Variants in MARCHF1 observed in about 807,000 individuals in gnomAD.
The protein encoded by MARCHF1 is E3 ubiquitin-protein ligase MARCHF1.
MARCHF1 carries 40 observed loss-of-function variants against 54.2 expected under a neutral mutation model. The ratio of observed to expected loss-of-function variants is 0.74; its 90% CI spans 0.57 to 0.96. The LOEUF (loss-of-function observed/expected upper bound fraction) is 0.96. Ranked by LOEUF, MARCHF1 falls within the 40% of genes least tolerant of loss-of-function variation. The pLI is 0.00. For missense variants in MARCHF1, 586 were observed against 656.5 expected, an observed-to-expected ratio of 0.89 and a Z score of 1.17; for synonymous variants, 236 against 236.3, an observed-to-expected ratio of 1.00 and a Z score of 0.01.
chr4:163,877,108 T>C (rs1462035067), intron 3 of MARCHF1, among the ~76,000 whole-genome samples: 3 of 152,138 alleles, frequency 2.0e-5, no homozygotes, highest in African/African-American at 4.8e-5. Flanking sequence ...CACTTAAGTA[T>C]ATGGAAACCG....
chr4:164,187,837 T>C (rs1731012647), intron 1 of MARCHF1, among the ~76,000 whole-genome samples: 1 of 152,236 alleles, frequency 6.6e-6, no homozygotes, highest in Non-Finnish European at 1.5e-5. Context: ...CATAGGTCTA[T>C]TCAGCCTTGA....
At position 164,091,435 on chromosome 4, in the gene MARCHF1, A is replaced by T. The variant is rs552759489; in HGVS notation, c.-248+20153T>A. Among the ~76,000 whole-genome samples, 19 of 73,152 alleles carry T rather than the reference A, an allele frequency of 2.6e-4. No individual in the cohort carries two copies. The South Asian group carries it at 3.5e-3, about 13-fold the overall frequency. The allele number at this position is 73,152 out of a possible 152,430, so 48.0% of individuals were successfully genotyped here. On this transcript the variant is annotated intron_variant, in intron 2 of 9. Transcript: ENST00000514618. ...TTATATATATATATATATATGTATA[A>T]AATGAATTGCACGCAGTTAATATGT...
chr4:164,189,597 T>G, intron 1 of MARCHF1: 1 of 945,746 alleles, frequency 1.1e-6, no homozygotes, highest in Admixed American at 1.7e-5. Context: ...TCTCTGGTGA[T>G]CAAGATACAG....
At chr4:163,996,228 C>T (rs1337301977) in intron 2 of MARCHF1, among the ~76,000 whole-genome samples, 2 of 151,678 alleles carry the variant, frequency 1.3e-5, no homozygotes, top group Non-Finnish European at 2.9e-5. Flanking sequence ...ATAAATGATG[C>T]TTATGACAAA....
chr4:163,872,047 A>G (rs1030937578), intron 3 of MARCHF1, among the ~76,000 whole-genome samples: 28 of 152,264 alleles, frequency 1.8e-4, no homozygotes, highest in African/African-American at 6.8e-4. Context: ...AACTACTAAT[A>G]CAATAAATCA....
chr4:164,359,218 T>C (rs1165377715), intron 1 of MARCHF1, among the ~76,000 whole-genome samples: 1 of 152,198 alleles, frequency 6.6e-6, no homozygotes, highest in East Asian at 1.9e-4. Context: ...GTGATGTGTG[T>C]CATTGCATGT....
intron 3 of MARCHF1, chr4:163,932,531 G>GA (rs1307947150): frequency 5.6e-6 from 2 of 354,914 alleles, no homozygotes; most frequent in African/African-American, 4.3e-5. Context: ...CTGCCATAGA[G>GA]AAAATGGAGC....
chr4:164,108,649 G>T (rs1560908562), intron 2 of MARCHF1, among the ~76,000 whole-genome samples: 1 of 151,800 alleles, frequency 6.6e-6, no homozygotes, highest in Non-Finnish European at 1.5e-5. Context: ...ATATTCATTT[G>T]ATTGAATTTC....
At chr4:164,303,018 A>G (rs924347565) in intron 1 of MARCHF1, among the ~76,000 whole-genome samples, 17 of 152,174 alleles carry the variant, frequency 1.1e-4, no homozygotes, top group African/African-American at 3.4e-4. Flanking sequence ...TCCAAAACAG[A>G]TACTTAAAAA....
intron 3 of MARCHF1, among the ~76,000 whole-genome samples, chr4:163,966,066 G>T (rs987131971): frequency 6.6e-6 from 1 of 151,948 alleles, no homozygotes; most frequent in South Asian, 2.1e-4. Context: ...GTTATAGATG[G>T]AACTCTTACA....
intron 2 of MARCHF1, among the ~76,000 whole-genome samples, chr4:164,019,941 T>C (rs1033109620): frequency 2.0e-5 from 3 of 152,174 alleles, no homozygotes; most frequent in Admixed American, 6.5e-5. Flanking sequence ...AGTAGAACCA[T>C]GAGATTACGG....
chr4:163,641,582 T>C (rs1742557433), intron 5 of MARCHF1, among the ~76,000 whole-genome samples: 1 of 152,172 alleles, frequency 6.6e-6, no homozygotes, highest in Non-Finnish European at 1.5e-5. Flanking sequence ...TTAAGTTCAC[T>C]TCAATGCAAA....
At chr4:164,313,113 C>T (rs2111434604) in intron 1 of MARCHF1, among the ~76,000 whole-genome samples, 1 of 149,368 alleles carries the variant, frequency 6.7e-6, no homozygotes, top group African/African-American at 2.5e-5. Context: ...CCAAGGTGGG[C>T]ACATTACGAG....
intron 5 of MARCHF1, among the ~76,000 whole-genome samples, chr4:163,644,078 AG>A (rs1742663615): frequency 6.6e-6 from 1 of 152,098 alleles, no homozygotes; most frequent in African/African-American, 2.4e-5. Flanking sequence ...AATAACATTT[AG>A]GTAAAGCTAA....
intron 1 of MARCHF1, among the ~76,000 whole-genome samples, chr4:164,178,005 G>A (rs1730736251): frequency 6.6e-6 from 1 of 152,140 alleles, no homozygotes; most frequent in Non-Finnish European, 1.5e-5. Context: ...GAATGTCACT[G>A]AAATATGCTC....
rs548100858 is a variant in MARCHF1 at position 163,998,354 on chromosome 4, G to A, written c.-247-9645C>T. On this transcript the variant is annotated intron_variant, in intron 2 of 9. Transcript: ENST00000514618. ...AATACTCTAAAGCAGTAAAGTTCTG[G>A]TGTTTTTATATTATTTTATATAAAT... Among the ~76,000 whole-genome samples the A allele has an allele frequency of 1.3e-3, 193 of 151,098 alleles. 3 individuals carry two copies. The highest frequency in any genetic ancestry group is 1.0e-3 in the Non-Finnish European group (68 of 67,540).
chr4:164,104,353 G>C (rs1755642908), intron 2 of MARCHF1, among the ~76,000 whole-genome samples: 1 of 74,404 alleles, frequency 1.3e-5, no homozygotes, highest in East Asian at 2.8e-4. Context: ...GAACATTGAT[G>C]CAAAAATCCT....
chr4:164,379,641 T>C (rs1731308448), intron 1 of MARCHF1, among the ~76,000 whole-genome samples: 1 of 152,136 alleles, frequency 6.6e-6, no homozygotes, highest in African/African-American at 2.4e-5. Flanking sequence ...ACATTTACCC[T>C]CATAGCAACA....
intron 1 of MARCHF1, among the ~76,000 whole-genome samples, chr4:164,113,808 G>T (rs1755884704): frequency 6.6e-6 from 1 of 152,040 alleles, no homozygotes. Flanking sequence ...GAAAGAACAA[G>T]GATGTAAGTA....
Sources: allele counts gnomAD v4.1 joint callset (sites outside exome capture counted in the v4.1 genomes callset), GRCh38; gene constraint gnomAD v4.1.1; transcripts MANE v1.5; gene names NCBI Gene and HGNC (gene_info 2026-07-23, HGNC 2026-07-21).